The following CDCP1 variants were observed in gnomAD, a reference collection of about 807,000 sequenced individuals.
CDCP1 encodes CUB domain containing protein 1.
Under a neutral mutation model 60.2 loss-of-function variants are expected in CDCP1, and 29 were observed. That is an observed-to-expected ratio of 0.48 (90% CI 0.36 to 0.66). CDCP1 has a LOEUF of 0.66. Ranked by LOEUF, CDCP1 falls within the 30% of genes least tolerant of loss-of-function variation. The pLI is 0.00. For missense variants in CDCP1, 876 were observed against 1,074.3 expected, an observed-to-expected ratio of 0.82 and a Z score of 2.58; for synonymous variants, 387 against 431.1, an observed-to-expected ratio of 0.90 and a Z score of 1.27.
intron 5 of CDCP1, 84 bp from the exon 6 acceptor site, chr3:45,093,741 G>A (rs562574608): frequency 8.9e-6 from 13 of 1,464,920 alleles, no homozygotes; most frequent in South Asian, 5.2e-5. Flanking sequence ...CTGAGGTTGG[G>A]TGTCTGCATG....
In CDCP1 at chr3:45,146,293, C is replaced by T. The variant is rs2276862; in HGVS notation, c.-6G>A. 2 of 1,565,112 alleles carry T rather than the reference C, an allele frequency of 1.3e-6. No individual in the cohort carries two copies. On this transcript the variant is annotated 5_prime_UTR_variant, in exon 1 of 9. Transcript: ENST00000296129. Reference sequence around the variant, plus strand: ...CCGCAGTTCAGGCCGGCCATGACTCCGGGACGCCTCGGCCTCGGTGGGGAA... The same window carrying T: ...CCGCAGTTCAGGCCGGCCATGACTCTGGGACGCCTCGGCCTCGGTGGGGAA...
rs1235513282 is a variant in CDCP1 at position 45,091,770 on chromosome 3, T to C, written c.1628-232A>G. Among the ~76,000 whole-genome samples, 1 of 152,226 alleles carries C rather than the reference T, an allele frequency of 6.6e-6. No individual in the cohort carries two copies. Among genetic ancestry groups the C allele is most frequent in the Non-Finnish European group, 1.5e-5 (1 of 68,044 alleles). On this transcript the variant is annotated intron_variant, in intron 6 of 8. Coordinates refer to ENST00000296129, the MANE Select transcript of CDCP1 (RefSeq NM_022842.5). The surrounding 1 kb of genome is among the most constrained non-coding windows in gnomAD (Gnocchi z 4.8). ...TGACCAAAGAACTGCATTTTAAATT[T>C]GTTTCATGTTAATTTATTATTATTA...
chr3:45,124,687 G>A (rs769140572), intron 1 of CDCP1, among the ~76,000 whole-genome samples: 2 of 152,170 alleles, frequency 1.3e-5, no homozygotes, highest in African/African-American at 2.4e-5. Flanking sequence ...TCCATCCATG[G>A]AGCAGATCCC....
chr3:45,138,086 T>A (rs1482743185), intron 1 of CDCP1, among the ~76,000 whole-genome samples: 1 of 152,244 alleles, frequency 6.6e-6, no homozygotes, highest in Non-Finnish European at 1.5e-5. Flanking sequence ...TGGGGTGTTC[T>A]CATTCCCATC....
chr3:45,091,501 G>T lies in CDCP1; in HGVS notation c.1665C>A (p.Ser555Arg). The T allele has an allele frequency of 6.2e-7, 1 of 1,607,924 alleles. No homozygotes were observed. Among genetic ancestry groups the T allele is most frequent in the South Asian group, 1.1e-5 (1 of 90,176 alleles). ...AGTTGGGGGTCCTCAGGTAGACCTT[G>T]CTTTTTGTGTCAGGGGTCACCGTGA... ...GVFTVTPDTK[S>R]KVYLRTPNWD... Residue 555 changes from serine to arginine, a missense_variant, in exon 7 of 9, where the codon AGC (serine) becomes AGA (arginine). Around this residue, in one of 2 missense-constraint regions of CDCP1, gnomAD observed 726 missense variants for 935.7 expected, o/e 0.78. Transcript: ENST00000296129. The surrounding 1 kb of genome is among the most constrained non-coding windows in gnomAD (Gnocchi z 4.8).
intron 2 of CDCP1, among the ~76,000 whole-genome samples, chr3:45,116,392 T>C (rs944891458): frequency 3.3e-5 from 5 of 150,226 alleles, no homozygotes; most frequent in Non-Finnish European, 3.0e-5. Flanking sequence ...AATAGAAGAG[T>C]TGAGGAGCCA....
chr3:45,142,596 A>T, intron 1 of CDCP1, among the ~76,000 whole-genome samples: 1 of 152,208 alleles, frequency 6.6e-6, no homozygotes, highest in East Asian at 1.9e-4. Context: ...GCACACCAGG[A>T]CAGGCTCTCC....
intron 3 of CDCP1, 27 bp from the exon 4 acceptor site, chr3:45,110,868 A>G: frequency 6.3e-7 from 1 of 1,590,800 alleles, no homozygotes; most frequent in African/African-American, 1.3e-5. Context: ...CCAAACCAGA[A>G]AGAATAGGGA....
chr3:45,135,453 C>A lies in CDCP1; in HGVS notation c.82+10753G>T, dbSNP rs181382745. On this transcript the variant is annotated intron_variant, in intron 1 of 8. Coordinates refer to ENST00000296129, the MANE Select transcript of CDCP1 (RefSeq NM_022842.5). ...AAGGAGGCTTCGAACAAAACCCAAG[C>A]TAGAAAATTTGGAGTAATCAAGAAT... 3.9e-3 allele frequency among the ~76,000 whole-genome samples: 588 copies of A among 152,280 alleles called. 4 individuals carry two copies. Among genetic ancestry groups the A allele is most frequent in the Non-Finnish European group, 3.7e-3 (251 of 68,034 alleles).
intron 4 of CDCP1, chr3:45,110,237 T>G (rs1698663742): frequency 7.2e-7 from 1 of 1,380,468 alleles, no homozygotes; most frequent in Admixed American, 3.3e-5. Context: ...CAATTTAGCA[T>G]CTTGAATGCA....
At chr3:45,120,666 A>G (rs1260371934) in intron 1 of CDCP1, among the ~76,000 whole-genome samples, 1 of 151,934 alleles carries the variant, frequency 6.6e-6, no homozygotes, top group African/African-American at 2.4e-5. Context: ...TTGGGGCAAA[A>G]CTTCTTGTCT....
chr3:45,090,707 T>G (rs77543320), intron 7 of CDCP1, among the ~76,000 whole-genome samples: 42 of 152,272 alleles, frequency 2.8e-4, no homozygotes, highest in African/African-American at 9.6e-4. Flanking sequence ...CCTAAAAGTA[T>G]CAAAAGACCT....
intron 1 of CDCP1, among the ~76,000 whole-genome samples, chr3:45,134,188 G>A (rs898834755): frequency 2.6e-4 from 39 of 151,394 alleles, no homozygotes; most frequent in Non-Finnish European, 3.7e-4. Flanking sequence ...GCAGTGGTGC[G>A]ATCTATGCTC....
intron 1 of CDCP1, among the ~76,000 whole-genome samples, chr3:45,137,404 C>T (rs992676802): frequency 6.6e-6 from 1 of 152,108 alleles, no homozygotes; most frequent in Admixed American, 6.6e-5. Context: ...TTGTATTTCC[C>T]ATAGAGGCAG....
Position 45,146,293 on chromosome 3 carries a change from C to A in CDCP1, c.-6G>T. On this transcript the variant is annotated 5_prime_UTR_variant, in exon 1 of 9. Coordinates refer to ENST00000296129, the MANE Select transcript of CDCP1 (RefSeq NM_022842.5). ...CCGCAGTTCAGGCCGGCCATGACTC[C>A]GGGACGCCTCGGCCTCGGTGGGGAA... The A allele has an allele frequency of 6.4e-7, 1 of 1,565,112 alleles. No homozygotes were observed.
chr3:45,145,655 G>T (rs1391089943), intron 1 of CDCP1, among the ~76,000 whole-genome samples: 1 of 152,220 alleles, frequency 6.6e-6, no homozygotes, highest in African/African-American at 2.4e-5. Context: ...AACTTTAGGA[G>T]AGGGGGAATG....
chr3:45,118,507 G>T lies in CDCP1; in HGVS notation c.197C>A (p.Thr66Asn). Reference protein sequence around the residue: ...CYIVISKRHITMLSIKSGERI... With the variant: ...CYIVISKRHINMLSIKSGERI... ...TTCTCCAGACTTGATGGACAACATG[G>T]TTATATGTCTTTTAGAAATGACGAT... The change falls in exon 2 of 9, where the codon ACC (threonine) becomes AAC (asparagine). Residue 66 changes from threonine (T) to asparagine (N), a missense_variant. Transcript: ENST00000296129. 6.2e-7 allele frequency: 1 copy of T among 1,614,140 alleles called. No individual in the cohort carries two copies. The highest frequency in any genetic ancestry group is 1.1e-5 in the South Asian group (1 of 91,082).
In CDCP1 at chr3:45,112,398, A is replaced by G; in HGVS notation, c.340T>C (p.Ser114Pro). 1 of 1,614,244 alleles carries G rather than the reference A, an allele frequency of 6.2e-7. No homozygotes were observed. The highest frequency in any genetic ancestry group is 8.5e-7 in the Non-Finnish European group (1 of 1,180,038). Residue 114 changes from serine (S) to proline (P), a missense_variant, in exon 3 of 9, where the codon TCG becomes CCG. Ser to Pro is a moderately conservative substitution (Grantham distance 74, BLOSUM62 -1). Around this residue, in one of 2 missense-constraint regions of CDCP1, gnomAD observed 726 missense variants for 935.7 expected, o/e 0.78. Coordinates refer to ENST00000296129, the MANE Select transcript of CDCP1 (RefSeq NM_022842.5). ...TTGAGGGTAGGCAACAACGATGTCG[A>G]GGGCTGAAGCTGAACCTCCCCAAAA... is the stretch of plus-strand genomic sequence containing the variant. ...CPFGEVQLQP[S>P]TSLLPTLNRT...
At chr3:45,109,510 T>C (rs1026272182) in intron 4 of CDCP1, among the ~76,000 whole-genome samples, 1 of 151,954 alleles carries the variant, frequency 6.6e-6, no homozygotes, top group East Asian at 1.9e-4. Context: ...GCAACACACA[T>C]CAGAAATGTC....
Sources: allele counts gnomAD v4.1 joint callset (sites outside exome capture counted in the v4.1 genomes callset), GRCh38; gene constraint gnomAD v4.1.1; regional missense constraint gnomAD v4.1.1; non-coding constraint Gnocchi (gnomAD v3.1); transcripts MANE v1.5; gene names NCBI Gene and HGNC (gene_info 2026-07-23, HGNC 2026-07-21).